CKAP5: variants seen among roughly 807,000 people sequenced by gnomAD.
CKAP5 encodes the protein cytoskeleton associated protein 5.
Under a neutral mutation model 232.8 loss-of-function variants are expected in CKAP5, and 27 were observed. The ratio of observed to expected loss-of-function variants is 0.12; its 90% confidence interval spans 0.09 to 0.16. The LOEUF (loss-of-function observed/expected upper bound fraction) is 0.16, where lower values mean the gene tolerates loss of function less well. Ranked by LOEUF, CKAP5 falls within the 10% of genes least tolerant of loss-of-function variation. CKAP5 has a pLI of 1.00. For synonymous variants in CKAP5, 785 were observed against 841.1 expected, an observed-to-expected ratio of 0.93 and a Z score of 1.16; for missense variants, 1,838 against 2,424.7, an observed-to-expected ratio of 0.76 and a Z score of 5.08.
chr11:46,749,679 C>T (rs1268615238), intron 42 of CKAP5, among the ~76,000 whole-genome samples: 2 of 151,878 alleles, frequency 1.3e-5, no homozygotes, highest in South Asian at 2.1e-4. Flanking sequence ...TGAGGCCAGG[C>T]GCAGTGGCTC....
chr11:46,840,306 C>CA (rs1399062135), intron 1 of CKAP5, among the ~76,000 whole-genome samples: 1 of 152,128 alleles, frequency 6.6e-6, no homozygotes, highest in East Asian at 1.9e-4. Context: ...ATAAAACTGT[C>CA]AAACTCCCTT....
chr11:46,790,538 C>A lies in CKAP5; in HGVS notation c.1696G>T (p.Ala566Ser). The A allele has an allele frequency of 6.2e-7, 1 of 1,614,026 alleles. No homozygotes were observed. The highest frequency in any genetic ancestry group is 8.5e-7 in the Non-Finnish European group (1 of 1,179,948). Residue 566 changes from alanine (A) to serine (S), a missense_variant, in exon 14 of 44, where the codon GCA becomes TCA. Physicochemically the swap from Ala to Ser is moderately conservative, Grantham distance 99. Coordinates refer to ENST00000529230, the MANE Select transcript of CKAP5 (RefSeq NM_001008938.4). Reference protein sequence around the residue: ...KKGKPAAPGGAGNTGTKNKKG... With the variant: ...KKGKPAAPGGSGNTGTKNKKG... Reference sequence around the variant, plus strand: ...TTGTTCTTGGTTCCAGTATTCCCTGCGCCTCCTGGTGCAGCTGGTTTCCCC... The same window carrying A: ...TTGTTCTTGGTTCCAGTATTCCCTGAGCCTCCTGGTGCAGCTGGTTTCCCC...
In CKAP5 at chr11:46,796,957, A is replaced by G; in HGVS notation, c.1339-17T>C. On this transcript the variant is annotated splice_polypyrimidine_tract_variant and intron_variant, in intron 11 of 43. Coordinates refer to ENST00000529230, the MANE Select transcript of CKAP5 (RefSeq NM_001008938.4). Reference sequence around the variant, plus strand: ...ATTGATGTGCTATAGTCCAGAAGTAAGCAAAATGATATTAATGCAAGGTAT... The same window carrying G: ...ATTGATGTGCTATAGTCCAGAAGTAGGCAAAATGATATTAATGCAAGGTAT... 4 of 1,612,602 alleles carry G rather than the reference A, an allele frequency of 2.5e-6. No homozygotes were observed. Among genetic ancestry groups the G allele is most frequent in the Non-Finnish European group, 3.4e-6 (4 of 1,179,342 alleles).
At chr11:46,793,935 C>CAA (rs139515976) in intron 13 of CKAP5, among the ~76,000 whole-genome samples, 23 of 147,658 alleles carry the variant, frequency 1.6e-4, no homozygotes, top group African/African-American at 3.2e-4. Flanking sequence ...TCAGAAAAAA[C>CAA]AAAAAAAAAA....
chr11:46,828,654 G>T (rs1939708467), intron 1 of CKAP5, among the ~76,000 whole-genome samples: 1 of 152,188 alleles, frequency 6.6e-6, no homozygotes, highest in African/African-American at 2.4e-5. Context: ...TACAATGAGT[G>T]TATGTGTGTA....
chr11:46,836,299 T>G (rs180672062), intron 1 of CKAP5, among the ~76,000 whole-genome samples: 15 of 152,358 alleles, frequency 9.8e-5, no homozygotes, highest in African/African-American at 3.6e-4. Flanking sequence ...TTTGCAACTT[T>G]TCTGTTGGAA....
intron 20 of CKAP5, 54 bp downstream of exon 20, chr11:46,780,134 TTTAGTC>T: frequency 6.3e-7 from 1 of 1,586,182 alleles, no homozygotes; most frequent in Non-Finnish European, 8.6e-7. Context: ...CACCCAACAG[TTTAGTC>T]TTAATGAGAT....
intron 8 of CKAP5, among the ~76,000 whole-genome samples, chr11:46,804,957 C>G (rs1939119882): frequency 6.6e-6 from 1 of 151,738 alleles, no homozygotes; most frequent in Non-Finnish European, 1.5e-5. Flanking sequence ...AACTATAGGC[C>G]AGGCGCAGTG....
chr11:46,795,206 G>GT (rs1272110294), intron 13 of CKAP5, among the ~76,000 whole-genome samples: 1 of 151,788 alleles, frequency 6.6e-6, no homozygotes, highest in Admixed American at 6.6e-5. Context: ...GCACGTGCCT[G>GT]TAATTCCAGC....
At chr11:46,795,551 A>T in intron 13 of CKAP5, 43 bp downstream of exon 13, 1 of 1,529,820 alleles carries the variant, frequency 6.5e-7, no homozygotes, top group Non-Finnish European at 8.9e-7. Flanking sequence ...CCTGAGACTC[A>T]GACCCTTCCT....
At chr11:46,835,867 C>T (rs2134715884) in intron 1 of CKAP5, among the ~76,000 whole-genome samples, 1 of 152,314 alleles carries the variant, frequency 6.6e-6, no homozygotes, top group Non-Finnish European at 1.5e-5. Flanking sequence ...ACCTAGCAAA[C>T]ACTAACTTAA....
intron 24 of CKAP5, among the ~76,000 whole-genome samples, chr11:46,774,584 A>G (rs142872173): frequency 0.018 from 2,749 of 152,324 alleles, 81 homozygotes; most frequent in African/African-American, 0.061. Flanking sequence ...CCTGATTTCA[A>G]ATTATACTAC....
intron 24 of CKAP5, among the ~76,000 whole-genome samples, chr11:46,772,019 A>C (rs1006211337): frequency 7.1e-6 from 1 of 141,226 alleles, no homozygotes; most frequent in Non-Finnish European, 1.5e-5. Flanking sequence ...CTGGTTGCTA[A>C]TAACACTGAG....
At chr11:46,832,790 A>G (rs1285215529) in intron 1 of CKAP5, among the ~76,000 whole-genome samples, 1 of 152,050 alleles carries the variant, frequency 6.6e-6, no homozygotes, top group Non-Finnish European at 1.5e-5. Context: ...TGCCTTTTAC[A>G]TGTTAAGAAT....
In CKAP5 at chr11:46,795,642, G is replaced by C. The variant is rs746568143; in HGVS notation, c.1602C>G (p.Asp534Glu). The C allele has an allele frequency of 3.1e-6, 5 of 1,614,052 alleles. No homozygotes were observed. The highest frequency in any genetic ancestry group is 4.2e-6 in the Non-Finnish European group (5 of 1,179,976). Residue 534 changes from aspartate (D) to glutamate (E), a missense_variant, in exon 13 of 44, where the codon GAC (aspartate) becomes GAG (glutamate). Transcript: ENST00000529230. ...GAGGTCCTGGTTTGGGTGCAGAAAT[G>C]TCCTTTGTGTCCTTATCTCCTGCAG... ...SGAAGDKDTK[D>E]ISAPKPGPLK... is the part of the protein sequence containing the mutation.
chr11:46,840,670 G>A (rs973055920), intron 1 of CKAP5, among the ~76,000 whole-genome samples: 8 of 152,164 alleles, frequency 5.3e-5, no homozygotes, highest in Admixed American at 2.0e-4. Context: ...CCCAGAGAGG[G>A]CATGGAAGCT....
At position 46,763,202 on chromosome 11, in the gene CKAP5, C is replaced by T. The variant is rs1387755068; in HGVS notation, c.3688-23G>A. On this transcript the variant is annotated intron_variant, in intron 29 of 43. Coordinates refer to ENST00000529230, the MANE Select transcript of CKAP5 (RefSeq NM_001008938.4). Reference sequence around the variant, plus strand: ...GTGCTTAAAATAAAACAAAACAAAACTCCCACAAATAAGAATAATCAAAAT... The same window carrying T: ...GTGCTTAAAATAAAACAAAACAAAATTCCCACAAATAAGAATAATCAAAAT... 2.6e-6 allele frequency: 4 copies of T among 1,514,040 alleles called. No homozygotes were observed. The African/African-American group carries it at 4.2e-5, about 16-fold the overall frequency. The allele number at this position is 1,514,040 out of a possible 1,614,324, so 93.8% of individuals were successfully genotyped here. A position where few individuals can be genotyped will look rare whatever the true frequency, so the allele number is the denominator to read the frequency against.
At chr11:46,771,673 T>C (rs938583833) in intron 24 of CKAP5, among the ~76,000 whole-genome samples, 4 of 152,232 alleles carry the variant, frequency 2.6e-5, no homozygotes, top group Admixed American at 6.5e-5. Flanking sequence ...TATTATGCAG[T>C]AAAATGCTCT....
chr11:46,826,678 G>C (rs929297520), intron 1 of CKAP5: 2 of 152,278 alleles, frequency 1.3e-5, no homozygotes, highest in Non-Finnish European at 2.9e-5. Flanking sequence ...CCTCTGATAG[G>C]CCAGCAAAGT....
Sources: allele counts gnomAD v4.1 joint callset (sites outside exome capture counted in the v4.1 genomes callset), GRCh38; gene constraint gnomAD v4.1.1; transcripts MANE v1.5; gene names NCBI Gene and HGNC (gene_info 2026-07-23, HGNC 2026-07-21).